Variants in ZNF569 observed in about 807,000 individuals in gnomAD.
ZNF569 encodes zinc finger protein 569.
A neutral mutation model predicts 56.3 loss-of-function variants in ZNF569; 38 were observed. That is an observed-to-expected ratio of 0.68 (90% CI 0.52 to 0.88). The LOEUF (loss-of-function observed/expected upper bound fraction) is 0.88, where lower values mean the gene tolerates loss of function less well. Among genes scored for constraint, ZNF569 ranks in the 40% least tolerant of loss-of-function variants. The pLI is 0.00. For synonymous variants in ZNF569, 241 were observed against 262.9 expected (o/e 0.92, Z 0.81); for missense variants, 666 against 809.2 (o/e 0.82, Z 2.15).
chr19:37,458,367 A>G (rs1390640691), intron 2 of ZNF569, among the ~76,000 whole-genome samples: 3 of 152,210 alleles, frequency 2.0e-5, no homozygotes, highest in Non-Finnish European at 2.9e-5. Flanking sequence ...ACATAATTAC[A>G]TACCTTTCTT....
At chr19:37,453,858 C>T (rs1484205794) in intron 2 of ZNF569, among the ~76,000 whole-genome samples, 1 of 152,156 alleles carries the variant, frequency 6.6e-6, no homozygotes, top group Non-Finnish European at 1.5e-5. Flanking sequence ...TGGGTTGTTG[C>T]AATACCTATG....
chr19:37,431,467 G>C (rs372186122), intron 3 of ZNF569: 1 of 152,238 alleles, frequency 6.6e-6, no homozygotes, highest in South Asian at 2.1e-4. Context: ...TGCCTTGAGA[G>C]GAAGAACTCA....
At chr19:37,451,669 T>C (rs1028721473) in intron 2 of ZNF569, among the ~76,000 whole-genome samples, 6 of 152,198 alleles carry the variant, frequency 3.9e-5, no homozygotes, top group African/African-American at 1.2e-4. Flanking sequence ...GGTTGACCTA[T>C]TATCATTATA....
chr19:37,461,146 T>C (rs1014608998), intron 2 of ZNF569, among the ~76,000 whole-genome samples: 3 of 152,138 alleles, frequency 2.0e-5, no homozygotes, highest in South Asian at 4.1e-4. Flanking sequence ...ATTTTTTCTT[T>C]AGGAAAATAT....
chr19:37,419,096 T>C (rs974095341), intron 5 of ZNF569, among the ~76,000 whole-genome samples: 2 of 152,230 alleles, frequency 1.3e-5, no homozygotes, highest in African/African-American at 4.8e-5. Context: ...TATTTATGTC[T>C]TGAAAAGTGT....
chr19:37,462,782 T>C (rs753438635), intron 2 of ZNF569, among the ~76,000 whole-genome samples: 6 of 152,212 alleles, frequency 3.9e-5, no homozygotes, highest in Non-Finnish European at 7.3e-5. Flanking sequence ...CTATCTATCC[T>C]ACCCTCTAAG....
At position 37,418,134 on chromosome 19, in the gene ZNF569, T is replaced by TAAA. The variant is rs1185058539; in HGVS notation, c.239-3718_239-3716dup. Among the ~76,000 whole-genome samples the TAAA allele has an allele frequency of 5.1e-5, 7 of 137,682 alleles. No homozygotes were observed. The South Asian group carries it at 9.2e-4, about 18-fold the overall frequency. The allele number at this position is 137,682 out of a possible 152,430, so 90.3% of individuals were successfully genotyped here. A position where few individuals can be genotyped will look rare whatever the true frequency, so the allele number is the denominator to read the frequency against. The stretch of plus-strand genomic sequence containing the variant: ...ATAATAATAATAATAATAATAATAA[T>TAAA]AAAATAAAGTTCTGTTCTATGAGTA... On this transcript the variant is annotated intron_variant, in intron 5 of 5. Transcript: ENST00000316950.
intron 2 of ZNF569, among the ~76,000 whole-genome samples, chr19:37,447,570 A>G (rs1171344439): frequency 6.6e-6 from 1 of 152,094 alleles, no homozygotes; most frequent in Non-Finnish European, 1.5e-5. Flanking sequence ...TTCCTTTTCA[A>G]TCTTTATGTC....
At position 37,413,057 on chromosome 19, in the gene ZNF569, A is replaced by G. The variant is rs760381789; in HGVS notation, c.1601T>C (p.Ile534Thr). Residue 534 changes from isoleucine (I) to threonine (T), a missense_variant, in exon 6 of 6, where the codon ATT becomes ACT. Ile to Thr is a moderately conservative substitution (Grantham distance 89). Coordinates refer to ENST00000316950, the MANE Select transcript of ZNF569 (RefSeq NM_152484.3). The stretch of plus-strand genomic sequence containing the variant: ...TCTCAAATGAAGGGTAAGGGATGCA[A>G]TTTGAGAGAAGGCTTTACCACATTC... The part of the protein sequence containing the change: ...CNECGKAFSQ[I>T]ASLTLHLRSH... 2.5e-6 allele frequency: 4 copies of G among 1,613,850 alleles called. No homozygotes were observed. The highest frequency in any genetic ancestry group is 3.4e-6 in the Non-Finnish European group (4 of 1,179,878).
At chr19:37,415,213 G>A (rs2040907801) in intron 5 of ZNF569, among the ~76,000 whole-genome samples, 1 of 151,998 alleles carries the variant, frequency 6.6e-6, no homozygotes, top group Admixed American at 6.5e-5. Flanking sequence ...TATCATATTT[G>A]AGTTGAGTAC....
intron 2 of ZNF569, among the ~76,000 whole-genome samples, chr19:37,462,979 T>C (rs1432422803): frequency 6.6e-6 from 1 of 152,204 alleles, no homozygotes. Context: ...CATACTATAT[T>C]CCAAACTGAA....
chr19:37,453,981 A>G (rs1247268302), intron 2 of ZNF569, among the ~76,000 whole-genome samples: 3 of 152,086 alleles, frequency 2.0e-5, no homozygotes, highest in African/African-American at 7.2e-5. Context: ...TACATCTTGG[A>G]TAGTACAGTA....
At chr19:37,449,280 C>G (rs1365625447) in intron 2 of ZNF569, among the ~76,000 whole-genome samples, 1 of 152,144 alleles carries the variant, frequency 6.6e-6, no homozygotes, top group Non-Finnish European at 1.5e-5. Context: ...TTGAGGAAGA[C>G]ATGTATTCTG....
chr19:37,418,882 A>G (rs2040981809), intron 5 of ZNF569, among the ~76,000 whole-genome samples: 2 of 152,188 alleles, frequency 1.3e-5, no homozygotes, highest in South Asian at 4.1e-4. Flanking sequence ...TTACGTACTT[A>G]ATAAGGCTGA....
intron 3 of ZNF569, among the ~76,000 whole-genome samples, chr19:37,440,395 T>C (rs2041384068): frequency 6.6e-6 from 1 of 151,806 alleles, no homozygotes; most frequent in South Asian, 2.1e-4. Context: ...GAATGCAGAA[T>C]GGTGTTTGCC....
At chr19:37,420,287 C>A (rs2041012705) in intron 5 of ZNF569, among the ~76,000 whole-genome samples, 1 of 151,842 alleles carries the variant, frequency 6.6e-6, no homozygotes, top group East Asian at 1.9e-4. Flanking sequence ...TGCGCCGGCC[C>A]CAATTTCTTA....
chr19:37,430,771 A>G (rs1293211393), intron 3 of ZNF569, among the ~76,000 whole-genome samples: 1 of 152,358 alleles, frequency 6.6e-6, no homozygotes, highest in East Asian at 1.9e-4. Context: ...AGAGGCACTG[A>G]GGAGGGTAGG....
chr19:37,421,454 C>T (rs1274461312), intron 5 of ZNF569, among the ~76,000 whole-genome samples: 5 of 152,160 alleles, frequency 3.3e-5, no homozygotes, highest in African/African-American at 4.8e-5. Context: ...CAGCTTCCAT[C>T]GGCTCTTACT....
At chr19:37,466,220 G>A (rs2041831845) in intron 1 of ZNF569, among the ~76,000 whole-genome samples, 1 of 152,242 alleles carries the variant, frequency 6.6e-6, no homozygotes, top group Non-Finnish European at 1.5e-5. Context: ...ATGGGGTGGA[G>A]TAGGGAAGGA....
Sources: gnomAD v4.1 joint callset for allele counts (sites outside exome capture counted in the v4.1 genomes callset) on GRCh38, gnomAD v4.1.1 for gene constraint, MANE v1.5 for transcripts, NCBI Gene and HGNC (gene_info 2026-07-23, HGNC 2026-07-21) for gene names.